NSUN2: variants seen among roughly 807,000 people sequenced by gnomAD.
NSUN2 encodes NOP2/Sun RNA methyltransferase 2, also known as RNA cytosine C(5)-methyltransferase NSUN2.
In NSUN2, 63 loss-of-function variants were observed where a neutral mutation model predicts 92.7. The ratio of observed to expected loss-of-function variants is 0.68; its 90% confidence interval spans 0.56 to 0.84. The LOEUF (loss-of-function observed/expected upper bound fraction) is 0.84. Ranked by LOEUF, NSUN2 falls within the 40% of genes least tolerant of loss-of-function variation. NSUN2 has a pLI of 0.00. For missense variants in NSUN2, 989 were observed against 964.9 expected (o/e 1.02, Z -0.33); for synonymous variants, 356 against 348.3 (o/e 1.02, Z -0.25).
chr5:6,601,069 T>C (rs1736534120), intron 18 of NSUN2, among the ~76,000 whole-genome samples: 1 of 151,408 alleles, frequency 6.6e-6, no homozygotes, highest in Non-Finnish European at 1.5e-5. Context: ...CCGTGTTTAA[T>C]CACCTTTCCA....
chr5:6,611,939 G>C (rs1372308384), intron 9 of NSUN2, 141 bp from the exon 10 acceptor site: 3 of 709,324 alleles, frequency 4.2e-6, no homozygotes, highest in Middle Eastern at 2.5e-4. Context: ...CCCGTCGACA[G>C]AAAGTGGATG....
intron 12 of NSUN2, 139 bp from the exon 13 acceptor site, chr5:6,607,523 T>G (rs1736826459): frequency 5.5e-6 from 4 of 727,554 alleles, no homozygotes; most frequent in African/African-American, 1.8e-5. Flanking sequence ...ACAACAGAAT[T>G]TTTTTAAAGT....
At chr5:6,629,378 A>T (rs1027897497) in intron 3 of NSUN2, among the ~76,000 whole-genome samples, 2 of 152,240 alleles carry the variant, frequency 1.3e-5, no homozygotes, top group Non-Finnish European at 2.9e-5. Flanking sequence ...CCTTATTGAC[A>T]TCGTATGGTT....
At position 6,607,031 on chromosome 5, in the gene NSUN2, T is replaced by C. The variant is rs10060489; in HGVS notation, c.1509-119A>G. Reference sequence around the variant, plus strand: ...AACATGGAACGGTTTGCGGCAGATGTTGAAACCTTCCGGCTTCCACAGAGT... The same window carrying C: ...AACATGGAACGGTTTGCGGCAGATGCTGAAACCTTCCGGCTTCCACAGAGT... On this transcript the variant is annotated intron_variant, in intron 13 of 18. Coordinates refer to ENST00000264670, the MANE Select transcript of NSUN2 (RefSeq NM_017755.6). 4,361 of 969,768 alleles carry C rather than the reference T, an allele frequency of 4.5e-3. 151 individuals carry two copies. The African/African-American group carries it at 0.06, about 13-fold the overall frequency. 60.1% of individuals were successfully genotyped at this position (969,768 alleles called of 1,614,324 possible).
chr5:6,606,285 T>G (rs1157186161), intron 14 of NSUN2, among the ~76,000 whole-genome samples: 2 of 152,114 alleles, frequency 1.3e-5, no homozygotes, highest in African/African-American at 4.8e-5. Flanking sequence ...ACAGTCCAGT[T>G]TTCTTTTGTT....
intron 18 of NSUN2, 95 bp from the exon 19 acceptor site, chr5:6,600,327 A>G: frequency 1.7e-6 from 2 of 1,181,124 alleles, no homozygotes; most frequent in South Asian, 3.2e-5. Flanking sequence ...AGAAAACCAC[A>G]GAAAACCCAT....
Position 6,632,623 on chromosome 5 carries a change from G to C in NSUN2, c.230C>G (p.Thr77Ser), listed in dbSNP as rs772291436. Residue 77 changes from threonine (T) to serine (S), a missense_variant, in exon 2 of 19, where the codon ACT becomes AGT. By Grantham distance (58) the Thr-to-Ser change is moderately conservative. This residue lies in a region of NSUN2 where 356 missense variants were observed against 338.6 expected (regional missense o/e 1.05). Transcript: ENST00000264670. ...CCTTTTGTAACCAGTAATTCTTAAA[G>C]TGGCCGGGAGCGGCTCCCTGAGAGC... ...MDALREPLPA[T>S]LRITGYKSHA... 2.5e-6 allele frequency: 4 copies of C among 1,613,984 alleles called. No individual in the cohort carries two copies. The highest frequency in any genetic ancestry group is 3.4e-6 in the Non-Finnish European group (4 of 1,180,016).
rs562107071 is a variant in NSUN2 at position 6,602,585 on chromosome 5, T to C, written c.1958-85A>G. On this transcript the variant is annotated intron_variant, in intron 17 of 18. Coordinates refer to ENST00000264670, the MANE Select transcript of NSUN2 (RefSeq NM_017755.6). ...GCACATTTCTGCACCTAGTGATGTG[T>C]TAAGTATTCTGAAGAAAGAAAACAA... The C allele has an allele frequency of 2.6e-6, 3 of 1,173,800 alleles. No individual in the cohort carries two copies. In the South Asian group the frequency reaches 3.7e-5, roughly 14 times the overall value. The allele number at this position is 1,173,800 out of a possible 1,614,324, so 72.7% of individuals were successfully genotyped here.
intron 7 of NSUN2, among the ~76,000 whole-genome samples, chr5:6,619,183 A>C (rs1341446441): frequency 6.6e-6 from 1 of 152,202 alleles, no homozygotes; most frequent in Non-Finnish European, 1.5e-5. Flanking sequence ...AAAAAACTTT[A>C]GTTCATGATG....
intron 4 of NSUN2, among the ~76,000 whole-genome samples, chr5:6,625,102 G>GAAA (rs57398741): frequency 7.6e-5 from 10 of 132,096 alleles, no homozygotes; most frequent in Middle Eastern, 3.7e-3. Flanking sequence ...TGTGTGGTAA[G>GAAA]AAAAAAAAAA....
Position 6,605,261 on chromosome 5 carries a change from T to C in NSUN2, c.1737+12A>G, listed in dbSNP as rs748693532. ...CGCATCACACAGCACTCAGCGTCTG[T>C]GCGGCTGGCACCTTCATCTTCTCAC... On this transcript the variant is annotated intron_variant, in intron 15 of 18. Transcript: ENST00000264670. The C allele has an allele frequency of 6.2e-7, 1 of 1,613,956 alleles. No individual in the cohort carries two copies. The highest frequency in any genetic ancestry group is 1.1e-5 in the South Asian group (1 of 91,052).
chr5:6,617,902 G>A, intron 8 of NSUN2, 48 bp downstream of exon 8: 2 of 1,406,676 alleles, frequency 1.4e-6, no homozygotes, highest in Non-Finnish European at 2.0e-6. Flanking sequence ...ATAAATCTCT[G>A]CTGATCTACT....
At chr5:6,630,243 AC>A (rs1737821940) in intron 3 of NSUN2, among the ~76,000 whole-genome samples, 1 of 152,224 alleles carries the variant, frequency 6.6e-6, no homozygotes, top group East Asian at 1.9e-4. Context: ...GCAACGTAGC[AC>A]CCGTATCATT....
chr5:6,611,948 T>C (rs532618942), intron 9 of NSUN2, 150 bp from the exon 10 acceptor site: 10 of 672,870 alleles, frequency 1.5e-5, no homozygotes, highest in South Asian at 9.5e-5. Context: ...AGAAAGTGGA[T>C]GAGTGGCCGA....
At chr5:6,628,448 T>C (rs1430671821) in intron 3 of NSUN2, among the ~76,000 whole-genome samples, 1 of 152,258 alleles carries the variant, frequency 6.6e-6, no homozygotes, top group Non-Finnish European at 1.5e-5. Flanking sequence ...TTAGGATAAT[T>C]TCTCATTGTT....
intron 6 of NSUN2, 136 bp downstream of exon 6, chr5:6,621,880 C>T (rs551344236): frequency 7.4e-6 from 5 of 672,040 alleles, no homozygotes; most frequent in African/African-American, 7.2e-5. Context: ...AGTTCTACTT[C>T]CGGTAGACGG....
At chr5:6,600,892 G>C (rs942552216) in intron 18 of NSUN2, among the ~76,000 whole-genome samples, 1 of 152,172 alleles carries the variant, frequency 6.6e-6, no homozygotes, top group Non-Finnish European at 1.5e-5. Context: ...CTGCCTCTCT[G>C]AACATGCTCC....
Position 6,622,732 on chromosome 5 carries a change from G to A in NSUN2, c.537+482C>T, listed in dbSNP as rs139535506. On this transcript the variant is annotated intron_variant, in intron 5 of 18. Transcript: ENST00000264670. ...TGTGGTGGTGCGCACCTGTAATCCC[G>A]GCTACTTGGGAGACTGAGGCAGGAG... Among the ~76,000 whole-genome samples, 428 of 151,634 alleles carry A rather than the reference G, an allele frequency of 2.8e-3. 5 individuals carry two copies. Among genetic ancestry groups the A allele is most frequent in the African/African-American group, 1.0e-2 (413 of 41,352 alleles).
intron 2 of NSUN2, 71 bp from the exon 3 acceptor site, chr5:6,632,048 A>G: frequency 8.1e-7 from 1 of 1,240,694 alleles, no homozygotes; most frequent in Non-Finnish European, 1.2e-6. Flanking sequence ...TCTTAAATTT[A>G]AGACTGCAAG....
Sources: allele counts gnomAD v4.1 joint callset (sites outside exome capture counted in the v4.1 genomes callset), GRCh38; gene constraint gnomAD v4.1.1; regional missense constraint gnomAD v4.1.1; transcripts MANE v1.5; gene names NCBI Gene and HGNC (gene_info 2026-07-23, HGNC 2026-07-21).